Variants in ALCAM observed in about 807,000 individuals in gnomAD.
ALCAM encodes activated leukocyte cell adhesion molecule.
ALCAM carries 30 observed loss-of-function variants against 70.9 expected under a neutral mutation model. That is an observed-to-expected ratio of 0.42 (90% confidence interval 0.32 to 0.57). The LOEUF is 0.57. Ranked by LOEUF, ALCAM falls within the 20% of genes least tolerant of loss-of-function variation. The pLI is 0.11. For synonymous variants in ALCAM, 249 were observed against 242.5 expected, an observed-to-expected ratio of 1.03 and a Z score of -0.25; for missense variants, 591 against 695.1, an observed-to-expected ratio of 0.85 and a Z score of 1.68.
At chr3:105,425,923 C>T (rs1212842843) in intron 1 of ALCAM, among the ~76,000 whole-genome samples, 1 of 151,694 alleles carries the variant, frequency 6.6e-6, no homozygotes, top group African/African-American at 2.4e-5. Context: ...AGCGAACAGG[C>T]GCTCTTTCAA....
rs148888657 is a variant in ALCAM, at chr3:105,484,572, A to G, written c.74-35495A>G. Among the ~76,000 whole-genome samples the G allele has an allele frequency of 1.8e-3, 281 of 152,230 alleles. 3 individuals are homozygous for G. Among genetic ancestry groups the G allele is most frequent in the African/African-American group, 6.5e-3 (272 of 41,568 alleles). ...CACACCTAATTGAAAAATATTTACC[A>G]AAACTCAAGCTTTCTGAGCCAAAGT... On this transcript the variant is annotated intron_variant, in intron 1 of 15. Transcript: ENST00000306107.
chr3:105,385,057 C>A (rs1027107758), intron 1 of ALCAM, among the ~76,000 whole-genome samples: 1 of 151,498 alleles, frequency 6.6e-6, no homozygotes, highest in Admixed American at 6.6e-5. Context: ...ATTTCTAAGA[C>A]AAATACTGTC....
rs543617601 is a variant in ALCAM, at chr3:105,559,223, A to G, written c.1664+6638A>G. On this transcript the variant is annotated intron_variant, in intron 14 of 15. Transcript: ENST00000306107. ...TAATATATACATATATTACATATAT[A>G]CATGTATACATGTGTACGTATAACA... is the stretch of plus-strand genomic sequence containing the variant. 2.0e-5 allele frequency among the ~76,000 whole-genome samples: 3 copies of G among 148,140 alleles called. No individual in the cohort carries two copies. The South Asian group carries it at 6.3e-4, about 31-fold the overall frequency.
chr3:105,541,953 T>C (rs1940127766), intron 8 of ALCAM, among the ~76,000 whole-genome samples, 188 bp downstream of exon 8: 1 of 151,942 alleles, frequency 6.6e-6, no homozygotes, highest in Non-Finnish European at 1.5e-5. Context: ...ATTGAAACCT[T>C]GCATGGCTCT....
chr3:105,386,614 C>T (rs1054731091), intron 1 of ALCAM, among the ~76,000 whole-genome samples: 1 of 151,110 alleles, frequency 6.6e-6, no homozygotes, highest in African/African-American at 2.4e-5. Flanking sequence ...TAAATTAGAC[C>T]CTGCTTCCTG....
chr3:105,410,683 A>C (rs1156902600), intron 1 of ALCAM, among the ~76,000 whole-genome samples: 1 of 152,052 alleles, frequency 6.6e-6, no homozygotes, highest in African/African-American at 2.4e-5. Context: ...CAATTGACTT[A>C]ACAGCAGGCT....
intron 7 of ALCAM, 114 bp downstream of exon 7, chr3:105,540,216 C>A (rs774008127): frequency 6.3e-6 from 7 of 1,103,250 alleles, no homozygotes; most frequent in Non-Finnish European, 8.7e-6. Flanking sequence ...AGAGACGCCA[C>A]CTATAAAATG....
At chr3:105,540,915 T>C (rs1940099642) in intron 7 of ALCAM, among the ~76,000 whole-genome samples, 1 of 151,998 alleles carries the variant, frequency 6.6e-6, no homozygotes, top group Non-Finnish European at 1.5e-5. Context: ...ACTTTGTTTC[T>C]CCCAATGAAT....
chr3:105,423,793 G>A (rs1001349759), intron 1 of ALCAM, among the ~76,000 whole-genome samples: 9 of 151,594 alleles, frequency 5.9e-5, no homozygotes, highest in African/African-American at 2.2e-4. Flanking sequence ...TCTTGAGCTT[G>A]TAGTTGAAAG....
intron 1 of ALCAM, among the ~76,000 whole-genome samples, chr3:105,507,733 G>A (rs1229952929): frequency 2.0e-5 from 3 of 152,130 alleles, no homozygotes; most frequent in African/African-American, 7.2e-5. Flanking sequence ...TCTTGTTCAG[G>A]TTTTTGTGTG....
At position 105,487,796 on chromosome 3, in the gene ALCAM, G is replaced by A. The variant is rs183460155; in HGVS notation, c.74-32271G>A. ...CAGCGAGAAAACAAAACCAGCTCAG[G>A]AGAGCTAATTATTTACTAGAGAAAG... On this transcript the variant is annotated intron_variant, in intron 1 of 15. Coordinates refer to ENST00000306107, the MANE Select transcript of ALCAM (RefSeq NM_001627.4). 4.6e-5 allele frequency among the ~76,000 whole-genome samples: 7 copies of A among 152,234 alleles called. No homozygotes were observed. In the East Asian group the frequency reaches 1.4e-3, roughly 29 times the overall value.
At chr3:105,549,845 C>A (rs538958585) in intron 11 of ALCAM, among the ~76,000 whole-genome samples, 1 of 151,128 alleles carries the variant, frequency 6.6e-6, no homozygotes, top group African/African-American at 2.4e-5. Context: ...TATCATCAGG[C>A]CAAAATGTTG....
chr3:105,537,438 A>G (rs1343138409), intron 6 of ALCAM, among the ~76,000 whole-genome samples: 2 of 152,112 alleles, frequency 1.3e-5, no homozygotes, highest in Non-Finnish European at 2.9e-5. Context: ...GTGACTCCCC[A>G]GAGCTCTCAG....
chr3:105,541,849 C>A, intron 8 of ALCAM, 84 bp downstream of exon 8: 1 of 1,478,866 alleles, frequency 6.8e-7, no homozygotes, highest in Non-Finnish European at 9.2e-7. Context: ...ATAAACTGCA[C>A]GTATATCTTT....
chr3:105,394,865 A>C (rs1326270115), intron 1 of ALCAM, among the ~76,000 whole-genome samples: 2 of 151,948 alleles, frequency 1.3e-5, no homozygotes, highest in Non-Finnish European at 2.9e-5. Context: ...GCTTACACAA[A>C]TTGCCTTTGT....
chr3:105,567,612 G>A (rs1940771485), intron 14 of ALCAM, among the ~76,000 whole-genome samples: 1 of 152,016 alleles, frequency 6.6e-6, no homozygotes, highest in Admixed American at 6.5e-5. Flanking sequence ...CAATATTCTA[G>A]TTTTCAGTCA....
At chr3:105,394,903 G>A (rs1002621202) in intron 1 of ALCAM, among the ~76,000 whole-genome samples, 1 of 151,938 alleles carries the variant, frequency 6.6e-6, no homozygotes, top group Non-Finnish European at 1.5e-5. Context: ...TAGCAGACCT[G>A]TAAGGTTTGG....
At chr3:105,441,568 T>C (rs950064566) in intron 1 of ALCAM, among the ~76,000 whole-genome samples, 5 of 152,202 alleles carry the variant, frequency 3.3e-5, no homozygotes, top group African/African-American at 1.2e-4. Context: ...TGAACTTATA[T>C]TTACAGGTGC....
chr3:105,497,819 C>T (rs1938797729), intron 1 of ALCAM, among the ~76,000 whole-genome samples: 1 of 151,938 alleles, frequency 6.6e-6, no homozygotes, highest in South Asian at 2.1e-4. Context: ...ATCACGAGGT[C>T]GGGAGATCGA....
Sources: gnomAD v4.1 joint callset for allele counts (sites outside exome capture counted in the v4.1 genomes callset) on GRCh38, gnomAD v4.1.1 for gene constraint, MANE v1.5 for transcripts, NCBI Gene and HGNC (gene_info 2026-07-23, HGNC 2026-07-21) for gene names.